Variants in FA2H observed in about 807,000 individuals in gnomAD.
The protein encoded by FA2H is fatty acid alpha-hydroxylase.
A neutral mutation model predicts 44.9 loss-of-function variants in FA2H; 22 were observed. The observed-to-expected ratio is 0.49, with a 90% CI of 0.35 to 0.70. The LOEUF is 0.70. Ranked by LOEUF, FA2H falls within the 30% of genes least tolerant of loss-of-function variation. FA2H has a pLI of 0.01. For missense variants in FA2H, 501 were observed against 504.9 expected (o/e 0.99, Z 0.07); for synonymous variants, 243 against 213.2 (o/e 1.14, Z -1.22).
rs1961981520 is a variant in FA2H at position 74,727,337 on chromosome 16, C to T, written c.413G>A (p.Gly138Glu). The change falls in exon 3 of 7, where the codon GGA (glycine) becomes GAA (glutamate). Residue 138 changes from glycine to glutamate, a missense_variant. Gly to Glu is a moderately conservative substitution (Grantham distance 98). Coordinates refer to ENST00000219368, the MANE Select transcript of FA2H (RefSeq NM_024306.5). ...GTGAACCCACTCATCGTACTTCTCT[C>T]CCAAGTGGCCCACCTGCCACAGGAG... ...KPLLWQVGHLGEKYDEWVHQP... is the reference protein window; with the variant it reads ...KPLLWQVGHLEEKYDEWVHQP... 2 of 1,614,066 alleles carry T rather than the reference C, an allele frequency of 1.2e-6. No homozygotes were observed. The highest frequency in any genetic ancestry group is 2.7e-5 in the African/African-American group (2 of 74,944).
chr16:74,755,726 A>G (rs1437497245), intron 1 of FA2H, among the ~76,000 whole-genome samples: 1 of 152,136 alleles, frequency 6.6e-6, no homozygotes, highest in Non-Finnish European at 1.5e-5. Context: ...TTCACATTCT[A>G]CTTTTTCTTT....
intron 5 of FA2H, 134 bp downstream of exon 5, chr16:74,718,854 A>T: frequency 9.5e-7 from 1 of 1,049,184 alleles, no homozygotes; most frequent in Non-Finnish European, 1.4e-6. Context: ...CCCGTGAGTC[A>T]CATCAAACGT....
At chr16:74,767,032 C>T (rs1315832376) in intron 1 of FA2H, among the ~76,000 whole-genome samples, 4 of 151,886 alleles carry the variant, frequency 2.6e-5, no homozygotes, top group South Asian at 2.1e-4. Flanking sequence ...AAAAATTGGC[C>T]GGGCATGGTG....
intron 1 of FA2H, among the ~76,000 whole-genome samples, chr16:74,763,262 T>G (rs1962745427): frequency 6.6e-6 from 1 of 152,112 alleles, no homozygotes; most frequent in African/African-American, 2.4e-5. Context: ...TTGGAATTTT[T>G]TTTTGTTTTT....
chr16:74,772,145 C>G lies in FA2H; in HGVS notation c.270+2341G>C, dbSNP rs1374288906. The stretch of plus-strand genomic sequence containing the variant: ...TGGCCCCGGCCGACTTTTGGCCTCC[C>G]CCCACATCCCTGTCTTTGCCCATCA... On this transcript the variant is annotated intron_variant, in intron 1 of 6. Coordinates refer to ENST00000219368, the MANE Select transcript of FA2H (RefSeq NM_024306.5). Among the ~76,000 whole-genome samples, 3 of 152,272 alleles carry G rather than the reference C, an allele frequency of 2.0e-5. No individual in the cohort carries two copies. In the East Asian group the frequency reaches 5.8e-4, roughly 29 times the overall value.
At chr16:74,723,973 C>T (rs981143307) in intron 4 of FA2H, among the ~76,000 whole-genome samples, 1 of 152,118 alleles carries the variant, frequency 6.6e-6, no homozygotes, top group Non-Finnish European at 1.5e-5. Flanking sequence ...ATGATCCTGG[C>T]TCACTGCAAC....
intron 1 of FA2H, among the ~76,000 whole-genome samples, chr16:74,742,259 C>T (rs974661433): frequency 6.6e-6 from 1 of 152,188 alleles, no homozygotes; most frequent in African/African-American, 2.4e-5. Flanking sequence ...GCAGGACTCA[C>T]ACTCCTTGGG....
At chr16:74,750,761 C>CTCTGTG (rs369189767) in intron 1 of FA2H, among the ~76,000 whole-genome samples, 9 of 141,572 alleles carry the variant, frequency 6.4e-5, no homozygotes, top group African/African-American at 2.4e-4. Context: ...TTTTTTTTCA[C>CTCTGTG]TGTGTGTGTG....
At chr16:74,764,974 C>T (rs1962781496) in intron 1 of FA2H, among the ~76,000 whole-genome samples, 1 of 151,982 alleles carries the variant, frequency 6.6e-6, no homozygotes, top group African/African-American at 2.4e-5. Flanking sequence ...CACTTCTAAC[C>T]CCTGAAGGAG....
chr16:74,747,255 G>A (rs1962441418), intron 1 of FA2H, among the ~76,000 whole-genome samples: 1 of 152,004 alleles, frequency 6.6e-6, no homozygotes, highest in African/African-American at 2.4e-5. Flanking sequence ...AGGCTGCAGT[G>A]AGCCGAGATC....
chr16:74,731,595 G>A (rs2240248), intron 2 of FA2H, among the ~76,000 whole-genome samples: 94,147 of 151,666 alleles, frequency 0.62, 29,790 homozygotes, highest in Middle Eastern at 0.71. Flanking sequence ...ATCTTGGCTC[G>A]CTACAGCCTT....
chr16:74,720,956 A>G (rs1422409938), intron 4 of FA2H, among the ~76,000 whole-genome samples: 2 of 152,192 alleles, frequency 1.3e-5, no homozygotes. Context: ...TTATTCATCC[A>G]TCCATCAGTT....
At chr16:74,751,402 C>G (rs1161589271) in intron 1 of FA2H, among the ~76,000 whole-genome samples, 1 of 152,050 alleles carries the variant, frequency 6.6e-6, no homozygotes, top group African/African-American at 2.4e-5. Context: ...GGCCCCATCA[C>G]ACATTTCTTC....
intron 2 of FA2H, among the ~76,000 whole-genome samples, chr16:74,732,230 C>T (rs1415924298): frequency 2.0e-5 from 3 of 152,096 alleles, no homozygotes; most frequent in African/African-American, 7.2e-5. Context: ...TTACACATGA[C>T]AGATACTGCT....
chr16:74,727,499 C>G, intron 2 of FA2H, 113 bp from the exon 3 acceptor site: 2 of 1,153,646 alleles, frequency 1.7e-6, no homozygotes, highest in South Asian at 2.5e-5. Context: ...CTCCTGTGAT[C>G]TGTGTGGGGC....
Position 74,723,488 on chromosome 16 carries a change from G to A in FA2H, c.613+2737C>T, listed in dbSNP as rs888091571. Among the ~76,000 whole-genome samples the A allele has an allele frequency of 2.6e-5, 4 of 152,116 alleles. No individual in the cohort carries two copies. The South Asian group carries it at 8.3e-4, about 32-fold the overall frequency. On this transcript the variant is annotated intron_variant, in intron 4 of 6. Coordinates refer to ENST00000219368, the MANE Select transcript of FA2H (RefSeq NM_024306.5). ...CATGTGGTTGTCCACAGTCCCCACC[G>A]TGAACACCTCCCAAATGAGGCCAAC...
chr16:74,743,478 G>A (rs1255448093), intron 1 of FA2H, among the ~76,000 whole-genome samples: 2 of 152,120 alleles, frequency 1.3e-5, no homozygotes, highest in Admixed American at 6.5e-5. Flanking sequence ...CTGGGAGACA[G>A]GGGGAAGGGC....
At chr16:74,764,946 A>AT (rs1567650790) in intron 1 of FA2H, among the ~76,000 whole-genome samples, 1 of 151,856 alleles carries the variant, frequency 6.6e-6, no homozygotes, top group East Asian at 1.9e-4. Flanking sequence ...CTTGATTGAG[A>AT]TTTTCTATGG....
At chr16:74,763,414 C>T (rs8053713) in intron 1 of FA2H, among the ~76,000 whole-genome samples, 15,260 of 152,080 alleles carry the variant, frequency 0.1, 886 homozygotes, top group Middle Eastern at 0.16. Context: ...CGCACCACCA[C>T]ACCCGGCTAG....
Sources: allele counts gnomAD v4.1 joint callset (sites outside exome capture counted in the v4.1 genomes callset), GRCh38; gene constraint gnomAD v4.1.1; transcripts MANE v1.5; gene names NCBI Gene and HGNC (gene_info 2026-07-23, HGNC 2026-07-21).